The following MTHFD1 variants were observed in gnomAD, a reference collection of about 807,000 sequenced individuals.
The protein encoded by MTHFD1 is methylenetetrahydrofolate dehydrogenase, cyclohydrolase and formyltetrahydrofolate synthetase 1.
A neutral mutation model predicts 110.3 loss-of-function variants in MTHFD1; 44 were observed. The ratio of observed to expected loss-of-function variants is 0.40; its 90% CI spans 0.31 to 0.51. The LOEUF (loss-of-function observed/expected upper bound fraction) is 0.51. MTHFD1 is among the 20% of genes least tolerant of loss of function. MTHFD1 has a pLI of 0.60. For missense variants in MTHFD1, 909 were observed against 1,173.1 expected (o/e 0.77, Z 3.29); for synonymous variants, 402 against 428.8 (o/e 0.94, Z 0.77).
intron 23 of MTHFD1, among the ~76,000 whole-genome samples, chr14:64,448,799 A>T (rs2078321404): frequency 7.8e-6 from 1 of 128,714 alleles, no homozygotes; most frequent in East Asian, 2.2e-4. Flanking sequence ...GGAAGCAAAA[A>T]ATCTTTTTTT....
intron 7 of MTHFD1, among the ~76,000 whole-genome samples, chr14:64,418,406 A>C (rs759329205): frequency 6.7e-6 from 1 of 148,600 alleles, no homozygotes; most frequent in South Asian, 2.1e-4. Context: ...AGCTACGATC[A>C]CACCACTGCA....
intron 12 of MTHFD1, among the ~76,000 whole-genome samples, chr14:64,428,123 T>TTC (rs2078132011): frequency 1.4e-5 from 2 of 146,652 alleles, no homozygotes; most frequent in Admixed American, 6.9e-5. Flanking sequence ...TTTTTTTTTT[T>TTC]TTTTGAGACA....
At chr14:64,451,639 C>T (rs1162093980) in intron 24 of MTHFD1, among the ~76,000 whole-genome samples, 3 of 152,226 alleles carry the variant, frequency 2.0e-5, no homozygotes, top group Non-Finnish European at 2.9e-5. Flanking sequence ...GAAGCCCAGT[C>T]CTTGAAAACC....
chr14:64,409,827 G>T (rs34110441), intron 2 of MTHFD1, among the ~76,000 whole-genome samples: 42,586 of 152,090 alleles, frequency 0.28, 7,197 homozygotes, highest in South Asian at 0.51. Flanking sequence ...CATGTCCTGA[G>T]ATCTGAGGAG....
Position 64,388,382 on chromosome 14 carries a change from C to T in MTHFD1, c.-46C>T, listed in dbSNP as rs974089335. On this transcript the variant is annotated 5_prime_UTR_variant, in exon 1 of 28. Transcript: ENST00000652337. The stretch of plus-strand genomic sequence containing the variant: ...TGCTTGGCTGCGGAGGGAGTGGAAC[C>T]TCGATATTGGTGGTGTCCATCGTGG... 1 of 1,614,204 alleles carries T rather than the reference C, an allele frequency of 6.2e-7. No homozygotes were observed. The highest frequency in any genetic ancestry group is 1.7e-5 in the Admixed American group (1 of 60,018).
intron 24 of MTHFD1, among the ~76,000 whole-genome samples, chr14:64,450,174 T>C (rs559691769): frequency 6.6e-6 from 1 of 152,306 alleles, no homozygotes; most frequent in Non-Finnish European, 1.5e-5. Flanking sequence ...GGGGAACCGT[T>C]GCTCATATCC....
intron 16 of MTHFD1, 81 bp from the exon 17 acceptor site, chr14:64,439,015 T>G: frequency 1.0e-6 from 1 of 971,864 alleles, no homozygotes; most frequent in South Asian, 1.3e-5. Context: ...ATTAGACTTA[T>G]TGCTTTAAAA....
chr14:64,412,987 G>A (rs548182706), intron 4 of MTHFD1, among the ~76,000 whole-genome samples: 24 of 152,078 alleles, frequency 1.6e-4, no homozygotes, highest in Non-Finnish European at 3.1e-4. Context: ...ATGGTGCAGG[G>A]ATGAACATTT....
chr14:64,431,856 T>C lies in MTHFD1; in HGVS notation c.1489T>C (p.Leu497=). ...GTTCTCTGACATCCAAATCCGAAGG[T>C]TAAAGGTAAGCTTTTTTTCTTCCAC... The part of the protein sequence containing the change: ...RRFSDIQIRR[L]KRLGIEKTDP... Residue 497 remains leucine (L), a synonymous_variant, in exon 15 of 28, where the codon TTA becomes CTA. Coordinates refer to ENST00000652337, the MANE Select transcript of MTHFD1 (RefSeq NM_005956.4). 1 of 1,613,902 alleles carries C rather than the reference T, an allele frequency of 6.2e-7. No homozygotes were observed. Among genetic ancestry groups the C allele is most frequent in the Non-Finnish European group, 8.5e-7 (1 of 1,179,774 alleles).
chr14:64,449,783 G>A, intron 24 of MTHFD1, 161 bp downstream of exon 24: 1 of 818,774 alleles, frequency 1.2e-6, no homozygotes, highest in South Asian at 1.5e-5. Context: ...ACTCCCAGCT[G>A]TAGACAGCCT....
rs537814043 is a variant in MTHFD1, at chr14:64,406,660, A to G, written c.127-4430A>G. Among the ~76,000 whole-genome samples, 3 of 151,572 alleles carry G rather than the reference A, an allele frequency of 2.0e-5. No homozygotes were observed. The East Asian group carries it at 5.9e-4, about 30-fold the overall frequency. Reference sequence around the variant, plus strand: ...GGCATCCAGCTAATTTTAGTATTTGAGACAGAATTTCTCCATATTGCCCAG... The same window carrying G: ...GGCATCCAGCTAATTTTAGTATTTGGGACAGAATTTCTCCATATTGCCCAG... On this transcript the variant is annotated intron_variant, in intron 2 of 27. Transcript: ENST00000652337.
At chr14:64,412,430 A>T (rs1462383925) in intron 3 of MTHFD1, 42 bp from the exon 4 acceptor site, 4 of 1,467,398 alleles carry the variant, frequency 2.7e-6, no homozygotes, top group Non-Finnish European at 3.8e-6. Flanking sequence ...CAATATCTCA[A>T]GTTGTCTTGC....
chr14:64,413,328 G>C (rs1456109259), intron 4 of MTHFD1, among the ~76,000 whole-genome samples: 1 of 152,004 alleles, frequency 6.6e-6, no homozygotes, highest in African/African-American at 2.4e-5. Flanking sequence ...CTCCAACCTG[G>C]GAAAAAAGAG....
chr14:64,441,570 G>T, intron 19 of MTHFD1, 117 bp downstream of exon 19: 2 of 845,124 alleles, frequency 2.4e-6, no homozygotes, highest in Non-Finnish European at 3.9e-6. Context: ...ACTTTGGGAG[G>T]CCAAGGTGGG....
chr14:64,408,032 G>A (rs1469384873), intron 2 of MTHFD1, among the ~76,000 whole-genome samples: 1 of 151,570 alleles, frequency 6.6e-6, no homozygotes, highest in African/African-American at 2.4e-5. Flanking sequence ...GATATCTTAC[G>A]GTGTAGAACA....
rs758878911 is a variant in MTHFD1 at position 64,417,870 on chromosome 14, G to A, written c.479-18G>A. On this transcript the variant is annotated intron_variant, in intron 6 of 27. Transcript: ENST00000652337. The surrounding 1 kb of genome is among the most constrained non-coding windows in gnomAD (Gnocchi z 4.4). The stretch of plus-strand genomic sequence containing the variant: ...GCTTCTATCCTCCAACTCTGATGCA[G>A]GCTGGCTTTTCTTTCAGGGGTGCCG... 8.1e-6 allele frequency: 13 copies of A among 1,612,106 alleles called. No individual in the cohort carries two copies. Among genetic ancestry groups the A allele is most frequent in the Admixed American group, 1.7e-5 (1 of 59,998 alleles).
intron 3 of MTHFD1, 96 bp downstream of exon 3, chr14:64,411,245 T>C (rs1390636371): frequency 1.6e-5 from 14 of 868,340 alleles, no homozygotes; most frequent in Admixed American, 8.7e-5. Flanking sequence ...GTGAAAACTT[T>C]TATCACCCAC....
At chr14:64,449,775 T>C (rs1029161176) in intron 24 of MTHFD1, 153 bp downstream of exon 24, 3 of 873,270 alleles carry the variant, frequency 3.4e-6, no homozygotes, top group Admixed American at 4.0e-5. Context: ...CAGCCTGGAC[T>C]CCCAGCTGTA....
intron 1 of MTHFD1, among the ~76,000 whole-genome samples, chr14:64,397,278 TTTG>T (rs1488324573): frequency 2.1e-5 from 3 of 144,340 alleles, no homozygotes; most frequent in East Asian, 2.1e-4. Flanking sequence ...CCCTGTTGTT[TTTG>T]TTGTTGTTAT....
Sources: allele counts gnomAD v4.1 joint callset (sites outside exome capture counted in the v4.1 genomes callset), GRCh38; gene constraint gnomAD v4.1.1; non-coding constraint Gnocchi (gnomAD v3.1); transcripts MANE v1.5; gene names NCBI Gene and HGNC (gene_info 2026-07-23, HGNC 2026-07-21).